Variants in KAT8 observed in about 807,000 individuals in gnomAD.
The protein encoded by KAT8 is histone acetyltransferase KAT8.
Under a neutral mutation model 62.9 loss-of-function variants are expected in KAT8, and 40 were observed. That is an observed-to-expected ratio of 0.64 (90% confidence interval 0.49 to 0.83). The LOEUF is 0.83. KAT8 is among the 40% of genes least tolerant of loss of function. The probability of loss-of-function intolerance (pLI) is 0.00; values close to 1 mark genes in which losing one functional copy is unlikely to be tolerated. For missense variants in KAT8, 387 were observed against 614.8 expected (o/e 0.63, Z 3.92); for synonymous variants, 278 against 254.5 (o/e 1.09, Z -0.88).
At chr16:31,122,830 G>A (rs934600663) in intron 3 of KAT8, among the ~76,000 whole-genome samples, 5 of 150,888 alleles carry the variant, frequency 3.3e-5, no homozygotes, top group African/African-American at 7.3e-5. Context: ...GTAGTGAGCC[G>A]AGATCCTGGG....
At chr16:31,127,586 G>A (rs2057542360) in intron 5 of KAT8, among the ~76,000 whole-genome samples, 1 of 152,168 alleles carries the variant, frequency 6.6e-6, no homozygotes, top group Admixed American at 6.5e-5. Context: ...TCTGGAATGG[G>A]GACAGTAACT....
At chr16:31,130,394 A>G (rs1266703615) in intron 8 of KAT8, 34 bp downstream of exon 8, 1 of 1,613,822 alleles carries the variant, frequency 6.2e-7, no homozygotes, top group Admixed American at 1.7e-5. Flanking sequence ...GGAGGGGGAG[A>G]CCTGTGGGGC....
At chr16:31,119,670 C>A (rs909530705) in intron 1 of KAT8, among the ~76,000 whole-genome samples, 5 of 152,000 alleles carry the variant, frequency 3.3e-5, no homozygotes, top group Non-Finnish European at 5.9e-5. Flanking sequence ...CAGAGTCTTG[C>A]TCTTGTCACC....
At chr16:31,119,492 A>G (rs1297433081) in intron 1 of KAT8, among the ~76,000 whole-genome samples, 1 of 152,178 alleles carries the variant, frequency 6.6e-6, no homozygotes, top group African/African-American at 2.4e-5. Context: ...CAGAGCCAGC[A>G]CTCATGATCC....
At position 31,120,170 on chromosome 16, in the gene KAT8, C is replaced by A; in HGVS notation, c.212-16C>A. On this transcript the variant is annotated splice_polypyrimidine_tract_variant and intron_variant, in intron 1 of 10. Transcript: ENST00000219797. ...AGCCTTACCTTCCTGATGACCCTAG[C>A]CTTTTTCCATCACAGATTCTGCTGA... 3 of 1,611,308 alleles carry A rather than the reference C, an allele frequency of 1.9e-6. No homozygotes were observed. The highest frequency in any genetic ancestry group is 1.7e-6 in the Non-Finnish European group (2 of 1,178,220).
Position 31,131,320 on chromosome 16 carries a change from G to A in KAT8, c.*61G>A, listed in dbSNP as rs968367410. The A allele has an allele frequency of 6.3e-7, 1 of 1,584,326 alleles. No individual in the cohort carries two copies. Among genetic ancestry groups the A allele is most frequent in the Non-Finnish European group, 8.6e-7 (1 of 1,158,060 alleles). On this transcript the variant is annotated 3_prime_UTR_variant, in exon 11 of 11. Transcript: ENST00000219797. ...GGCTCCCAGCCTGTAAATATGTATA[G>A]ACCTGTTTTGTCATTTTTTTAATAA...
At chr16:31,125,901 A>G (rs986607713) in intron 3 of KAT8, 4 of 152,120 alleles carry the variant, frequency 2.6e-5, no homozygotes, top group African/African-American at 9.7e-5. Flanking sequence ...CTTTCTAAGG[A>G]CTTGAAAAAT....
intron 3 of KAT8, chr16:31,123,987 C>T (rs1217233878): frequency 6.6e-6 from 1 of 152,190 alleles, no homozygotes; most frequent in Non-Finnish European, 1.5e-5. Flanking sequence ...ATGAAACAAT[C>T]ATCCAGTTAA....
intron 3 of KAT8, among the ~76,000 whole-genome samples, chr16:31,123,021 A>G (rs1433164425): frequency 6.7e-6 from 1 of 149,988 alleles, no homozygotes; most frequent in Non-Finnish European, 1.5e-5. Context: ...CATCTCTACT[A>G]AAAATACAAA....
chr16:31,126,401 T>C (rs1275780818), intron 3 of KAT8: 1 of 152,806 alleles, frequency 6.5e-6, no homozygotes, highest in Non-Finnish European at 1.5e-5. Context: ...CGACATCCAC[T>C]GTATTAGGAC....
rs1549295 is a variant in KAT8, at chr16:31,130,505, A to G, written c.1056A>G (p.Pro352=). ...GCACAGTCGGCTCCCCGGAGAAGCC[A>G]CTGTCTGACCTGGGCAAGCTCAGCT... ...LESTVGSPEK[P]LSDLGKLSYR... is the part of the protein sequence containing the mutation. The change falls in exon 9 of 11, where the codon CCA becomes CCG. Residue 352 remains proline (P), a synonymous_variant. Transcript: ENST00000219797. The G allele has an allele frequency of 1, 1,609,935 of 1,614,174 alleles. 802,931 individuals carry two copies. Among genetic ancestry groups the G allele is most frequent in the South Asian group, 1 (91,084 of 91,088 alleles).
chr16:31,122,500 A>T (rs1369999271), intron 3 of KAT8: 1 of 152,154 alleles, frequency 6.6e-6, no homozygotes, highest in Non-Finnish European at 1.5e-5. Context: ...TGTAATGGAA[A>T]TGTTCTATAG....
intron 6 of KAT8, 146 bp downstream of exon 6, chr16:31,128,285 C>T: frequency 1.5e-6 from 1 of 647,998 alleles, no homozygotes; most frequent in East Asian, 2.8e-5. Context: ...CTGCAGCTCA[C>T]ACCTGTAATC....
At position 31,131,210 on chromosome 16, in the gene KAT8, T is replaced by C. The variant is rs1349462613; in HGVS notation, c.1328T>C (p.Leu443Pro). Residue 443 changes from leucine (L) to proline (P), a missense_variant, in exon 11 of 11, where the codon CTC becomes CCC. Leu to Pro is a moderately conservative substitution (Grantham distance 98). Around this residue, in one of 6 missense-constraint regions of KAT8, gnomAD observed 75 missense variants for 105.7 expected, o/e 0.71. Coordinates refer to ENST00000219797, the MANE Select transcript of KAT8 (RefSeq NM_032188.3). ...CTCCCCACAGTGGACTCCGTCTGCC[T>C]CAAGTGGGCACCCCCCAAGCACAAG... ...KPPITVDSVC[L>P]KWAPPKHKQV... 1 of 1,614,022 alleles carries C rather than the reference T, an allele frequency of 6.2e-7. No homozygotes were observed.
intron 3 of KAT8, chr16:31,121,088 TGTGTG>T (rs2057489683): frequency 2.1e-5 from 3 of 140,356 alleles, no homozygotes; most frequent in African/African-American, 9.4e-5. Context: ...ATGGTTTTTG[TGTGTG>T]TGTGTGTGTG....
intron 1 of KAT8, among the ~76,000 whole-genome samples, chr16:31,119,550 T>G (rs2057477588): frequency 6.6e-6 from 1 of 152,232 alleles, no homozygotes. Flanking sequence ...AGCATTGAAT[T>G]TAGAGTCAGA....
intron 2 of KAT8, 38 bp downstream of exon 2, chr16:31,120,298 G>C (rs1567433471): frequency 6.2e-7 from 1 of 1,614,102 alleles, no homozygotes; most frequent in Non-Finnish European, 8.5e-7. Flanking sequence ...GGTGCAGGGA[G>C]TTGGCTGCCC....
chr16:31,130,568 G>A lies in KAT8; in HGVS notation c.1119G>A (p.Leu373=), dbSNP rs776580981. Residue 373 remains leucine, a synonymous_variant, in exon 9 of 11, where the codon CTG becomes CTA. Transcript: ENST00000219797. ...SYWSWVLLEI[L]RDFRGTLSIK... ...GGTCCTGGGTGCTGCTAGAGATCCTGCGGGACTTCCGGGGCACACTGTCCA... is the reference window on the plus strand; with the variant it reads ...GGTCCTGGGTGCTGCTAGAGATCCTACGGGACTTCCGGGGCACACTGTCCA... The A allele has an allele frequency of 6.2e-7, 1 of 1,614,226 alleles. No homozygotes were observed. The highest frequency in any genetic ancestry group is 1.7e-5 in the Admixed American group (1 of 60,028).
At position 31,131,304 on chromosome 16, in the gene KAT8, C is replaced by T; in HGVS notation, c.*45C>T. The T allele has an allele frequency of 6.2e-7, 1 of 1,609,280 alleles. No individual in the cohort carries two copies. The stretch of plus-strand genomic sequence containing the variant: ...CGGACCTGAGCCTCCTGGCTCCCAG[C>T]CTGTAAATATGTATAGACCTGTTTT... On this transcript the variant is annotated 3_prime_UTR_variant, in exon 11 of 11. Coordinates refer to ENST00000219797, the MANE Select transcript of KAT8 (RefSeq NM_032188.3).
Sources: allele counts gnomAD v4.1 joint callset (sites outside exome capture counted in the v4.1 genomes callset), GRCh38; gene constraint gnomAD v4.1.1; regional missense constraint gnomAD v4.1.1; transcripts MANE v1.5; gene names NCBI Gene and HGNC (gene_info 2026-07-23, HGNC 2026-07-21).